CSGALNACT2: variants seen among roughly 807,000 people sequenced by gnomAD.
CSGALNACT2 encodes the protein chondroitin sulfate N-acetylgalactosaminyltransferase 2.
CSGALNACT2 carries 35 observed loss-of-function variants against 55.3 expected under a neutral mutation model. The ratio of observed to expected loss-of-function variants is 0.63; its 90% CI spans 0.48 to 0.84. The LOEUF (loss-of-function observed/expected upper bound fraction) is 0.84, where lower values mean the gene tolerates loss of function less well. Ranked by LOEUF, CSGALNACT2 falls within the 40% of genes least tolerant of loss-of-function variation. CSGALNACT2 has a pLI of 0.00. For missense variants in CSGALNACT2, 544 were observed against 657.5 expected (o/e 0.83, Z 1.89); for synonymous variants, 196 against 224.9 (o/e 0.87, Z 1.15).
In CSGALNACT2 at chr10:43,155,696, G is replaced by C; in HGVS notation, c.547G>C (p.Val183Leu). The change falls in exon 2 of 8, where the codon GTT becomes CTT. Residue 183 changes from valine (V) to leucine (L), a missense_variant. Around this residue, in one of 2 missense-constraint regions of CSGALNACT2, gnomAD observed 374 missense variants for 401.3 expected, o/e 0.93. Coordinates refer to ENST00000374466, the MANE Select transcript of CSGALNACT2 (RefSeq NM_018590.5). ...RKDKRDELVEVIEAGLEVINN... is the reference protein window; with the variant it reads ...RKDKRDELVELIEAGLEVINN... ...AGACAAACGAGATGAATTGGTGGAAGTTATTGAAGCGGGCTTGGAGGTCAT... is the reference window on the plus strand; with the variant it reads ...AGACAAACGAGATGAATTGGTGGAACTTATTGAAGCGGGCTTGGAGGTCAT... The C allele has an allele frequency of 6.2e-7, 1 of 1,614,234 alleles. No individual in the cohort carries two copies. Among genetic ancestry groups the C allele is most frequent in the South Asian group, 1.1e-5 (1 of 91,088 alleles).
chr10:43,158,658 C>G lies in CSGALNACT2; in HGVS notation c.662-57C>G, dbSNP rs1839071832. 16 of 996,522 alleles carry G rather than the reference C, an allele frequency of 1.6e-5. No individual in the cohort carries two copies. The East Asian group carries it at 3.8e-4, about 24-fold the overall frequency. 61.7% of individuals were successfully genotyped at this position (996,522 alleles called of 1,614,324 possible). ...TTTAAGTGAGTAAAATCTGTCTTCC[C>G]ATTGAATTTGTAAACTTTGACATGG... On this transcript the variant is annotated intron_variant, in intron 2 of 7. Coordinates refer to ENST00000374466, the MANE Select transcript of CSGALNACT2 (RefSeq NM_018590.5).
intron 4 of CSGALNACT2, 30 bp downstream of exon 4, chr10:43,160,625 T>A (rs1839125402): frequency 1.1e-6 from 1 of 901,682 alleles, no homozygotes; most frequent in South Asian, 1.3e-5. Context: ...AGTGAAGGCC[T>A]TGATATATAA....
chr10:43,145,925 G>A (rs1336791111), intron 1 of CSGALNACT2, among the ~76,000 whole-genome samples: 2 of 152,120 alleles, frequency 1.3e-5, no homozygotes, highest in Admixed American at 6.5e-5. Flanking sequence ...TCTAGGAATG[G>A]AATGGCTGGA....
chr10:43,161,260 A>C (rs1454964929), intron 4 of CSGALNACT2, among the ~76,000 whole-genome samples: 1 of 152,240 alleles, frequency 6.6e-6, no homozygotes, highest in Non-Finnish European at 1.5e-5. Flanking sequence ...ATTCTTTTTC[A>C]TTGCTTTTTT....
At chr10:43,178,819 A>G (rs1032531083) in intron 7 of CSGALNACT2, among the ~76,000 whole-genome samples, 4 of 151,940 alleles carry the variant, frequency 2.6e-5, no homozygotes, top group African/African-American at 9.7e-5. Flanking sequence ...TTTCTGCTCC[A>G]TTCTCATAGT....
At position 43,158,876 on chromosome 10, in the gene CSGALNACT2, A is replaced by G; in HGVS notation, c.823A>G (p.Ile275Val). ...IDITRSIINI[I>V]VPLAERTEAF... ...CATCACTAGATCAATTATTAATATC[A>G]TTGTGCCACTTGCTGAAAGAACTGA... The change falls in exon 3 of 8, where the codon ATT becomes GTT. Residue 275 changes from isoleucine (I) to valine (V), a missense_variant. By Grantham distance (29) the Ile-to-Val change is conservative. Around this residue, in one of 2 missense-constraint regions of CSGALNACT2, gnomAD observed 374 missense variants for 401.3 expected, o/e 0.93. Transcript: ENST00000374466. The G allele has an allele frequency of 3.1e-6, 5 of 1,612,918 alleles. No individual in the cohort carries two copies. The highest frequency in any genetic ancestry group is 4.2e-6 in the Non-Finnish European group (5 of 1,179,136).
At chr10:43,145,672 A>T (rs1838732080) in intron 1 of CSGALNACT2, among the ~76,000 whole-genome samples, 1 of 151,940 alleles carries the variant, frequency 6.6e-6, no homozygotes. Flanking sequence ...TCAACCTCCC[A>T]AGGTGCTTAC....
rs1564512325 is a variant in CSGALNACT2, at chr10:43,154,878, T to A, written c.-253-19T>A. The stretch of plus-strand genomic sequence containing the variant: ...TTAAGGGAACAAAATTCTGATTGAT[T>A]CTGATCTGTGTCTTTCAGAAAAATC... On this transcript the variant is annotated intron_variant, in intron 1 of 7. Transcript: ENST00000374466. 2.5e-6 allele frequency: 1 copy of A among 404,798 alleles called. No homozygotes were observed. The highest frequency in any genetic ancestry group is 4.5e-5 in the East Asian group (1 of 22,318). 25.1% of individuals were successfully genotyped at this position (404,798 alleles called of 1,614,324 possible).
rs116820447 is a variant in CSGALNACT2 at position 43,172,044 on chromosome 10, C to T, written c.1255-3907C>T. Among the ~76,000 whole-genome samples the T allele has an allele frequency of 5.8e-3, 890 of 152,296 alleles. 12 individuals are homozygous for T. The highest frequency in any genetic ancestry group is 0.02 in the African/African-American group (826 of 41,560). On this transcript the variant is annotated intron_variant, in intron 6 of 7. Coordinates refer to ENST00000374466, the MANE Select transcript of CSGALNACT2 (RefSeq NM_018590.5). ...GACTGGGGGATGGGAGCTCCTCCGT[C>T]GCTTCTGTTGGGGATTCAGGCCAGT...
chr10:43,179,618 T>C (rs1839552916), intron 7 of CSGALNACT2, among the ~76,000 whole-genome samples: 1 of 152,184 alleles, frequency 6.6e-6, no homozygotes, highest in Non-Finnish European at 1.5e-5. Context: ...CACTAATTGC[T>C]GTCTTGTTTT....
intron 7 of CSGALNACT2, among the ~76,000 whole-genome samples, chr10:43,181,677 C>T (rs61083110): frequency 6.6e-6 from 1 of 150,900 alleles, no homozygotes; most frequent in South Asian, 2.1e-4. Context: ...ACTAAGGAGG[C>T]TAAGGCAGAA....
chr10:43,166,599 CTCTT>C (rs1331831803), intron 5 of CSGALNACT2, among the ~76,000 whole-genome samples: 8 of 152,184 alleles, frequency 5.3e-5, no homozygotes, highest in Non-Finnish European at 8.8e-5. Context: ...TTTGAATTTA[CTCTT>C]TCTAATGATT....
chr10:43,168,326 C>T (rs763015524), intron 6 of CSGALNACT2, among the ~76,000 whole-genome samples: 58 of 152,088 alleles, frequency 3.8e-4, no homozygotes, highest in Non-Finnish European at 8.1e-4. Context: ...TGGCACGAGC[C>T]TGTAGTCCCA....
At chr10:43,169,831 T>G (rs967152510) in intron 6 of CSGALNACT2, among the ~76,000 whole-genome samples, 1 of 152,240 alleles carries the variant, frequency 6.6e-6, no homozygotes, top group Non-Finnish European at 1.5e-5. Context: ...AGATTGGCAT[T>G]CGTCTTCTTT....
At chr10:43,151,219 T>G (rs1588894934) in intron 1 of CSGALNACT2, among the ~76,000 whole-genome samples, 1 of 152,234 alleles carries the variant, frequency 6.6e-6, no homozygotes, top group African/African-American at 2.4e-5. Context: ...TCATATTTTT[T>G]TATACCTGGT....
chr10:43,141,779 G>A (rs374482680), intron 1 of CSGALNACT2, among the ~76,000 whole-genome samples: 2 of 152,114 alleles, frequency 1.3e-5, no homozygotes, highest in African/African-American at 2.4e-5. Flanking sequence ...CAGAGATCGC[G>A]AAGGTAGGAG....
At chr10:43,171,047 A>G (rs1588910189) in intron 6 of CSGALNACT2, among the ~76,000 whole-genome samples, 1 of 152,084 alleles carries the variant, frequency 6.6e-6, no homozygotes, top group African/African-American at 2.4e-5. Flanking sequence ...CCTAGAATAG[A>G]AAAAAAAGAC....
At chr10:43,145,039 C>CCA (rs1436599473) in intron 1 of CSGALNACT2, among the ~76,000 whole-genome samples, 3 of 152,118 alleles carry the variant, frequency 2.0e-5, no homozygotes, top group Non-Finnish European at 4.4e-5. Context: ...TACAGTTTGT[C>CCA]CATTCACCTG....
Position 43,158,927 on chromosome 10 carries a change from TTCAGGTAACTG to T in CSGALNACT2, c.878+2_878+12del. 1 of 1,583,424 alleles carries T rather than the reference TTCAGGTAACTG, an allele frequency of 6.3e-7. No individual in the cohort carries two copies. Among genetic ancestry groups the T allele is most frequent in the Non-Finnish European group, 8.7e-7 (1 of 1,152,986 alleles). ...AGCATTTGTACAATTTATGCAGAAC[TTCAGGTAACTG>T]TCAGGGCTTAATGATTAAGCTACAT... On this transcript the variant is annotated splice_donor_variant and splice_donor_5th_base_variant and coding_sequence_variant and intron_variant, in exon 3 of 8. Coordinates refer to ENST00000374466, the MANE Select transcript of CSGALNACT2 (RefSeq NM_018590.5). LOFTEE classifies it high-confidence loss of function.
Sources: allele counts gnomAD v4.1 joint callset (sites outside exome capture counted in the v4.1 genomes callset), GRCh38; gene constraint gnomAD v4.1.1; regional missense constraint gnomAD v4.1.1; transcripts MANE v1.5; gene names NCBI Gene and HGNC (gene_info 2026-07-23, HGNC 2026-07-21).